Variants in RBFOX3 observed in about 807,000 individuals in gnomAD.
RBFOX3 encodes RNA binding fox-1 homolog 3, also known as RNA binding protein fox-1 homolog 3.
RBFOX3 carries 17 observed loss-of-function variants against 48.7 expected under a neutral mutation model. That is an observed-to-expected ratio of 0.35 (90% CI 0.24 to 0.52). The LOEUF is 0.52. Among genes scored for constraint, RBFOX3 ranks in the 20% least tolerant of loss-of-function variants. RBFOX3 has a pLI of 0.94. For synonymous variants in RBFOX3, 212 were observed against 209.5 expected (o/e 1.01, Z -0.10); for missense variants, 382 against 497.5 (o/e 0.77, Z 2.21).
At chr17:79,307,907 C>T (rs963060096) in intron 2 of RBFOX3, 83 bp from the exon 3 acceptor site, 2 of 153,704 alleles carry the variant, frequency 1.3e-5, no homozygotes, top group Admixed American at 1.3e-4. Flanking sequence ...TGCTCTCCCG[C>T]ACTCTTGATT....
At chr17:79,561,758 C>T (rs1336270000) in intron 1 of RBFOX3, among the ~76,000 whole-genome samples, 2 of 152,184 alleles carry the variant, frequency 1.3e-5, no homozygotes, top group African/African-American at 4.8e-5. Flanking sequence ...TGAGGGCAGC[C>T]CTCACCTCTT....
rs994780294 is a variant in RBFOX3 at position 79,392,606 on chromosome 17, T to C, written c.-174-84782A>G. Among the ~76,000 whole-genome samples the C allele has an allele frequency of 6.6e-6, 1 of 151,874 alleles. No individual in the cohort carries two copies. The highest frequency in any genetic ancestry group is 1.9e-4 in the East Asian group (1 of 5,182). Reference sequence around the variant, plus strand: ...GCCCAACAAAATGGGAGCAGAGGGGTGTCACTTCCAGCCGAAGTTTGCAGA... The same window carrying C: ...GCCCAACAAAATGGGAGCAGAGGGGCGTCACTTCCAGCCGAAGTTTGCAGA... On this transcript the variant is annotated intron_variant, in intron 2 of 14. Transcript: ENST00000693108. The surrounding 1 kb of genome is among the most constrained non-coding windows in gnomAD (Gnocchi z 5.0).
the RBFOX3 span, among the ~76,000 whole-genome samples, chr17:79,624,780 C>T: frequency 6.6e-6 from 1 of 152,088 alleles, no homozygotes; most frequent in Non-Finnish European, 1.5e-5. Flanking sequence ...TGAGGTTCTC[C>T]CACCTCTGAA....
intron 2 of RBFOX3, among the ~76,000 whole-genome samples, chr17:79,395,624 C>G (rs1376277704): frequency 1.3e-5 from 2 of 152,216 alleles, no homozygotes; most frequent in Admixed American, 1.3e-4. Context: ...GTGTGCCGGG[C>G]ACTGATCCAG....
chr17:79,591,911 T>C (rs1219493495), intron 1 of RBFOX3, among the ~76,000 whole-genome samples: 2 of 144,888 alleles, frequency 1.4e-5, no homozygotes, highest in African/African-American at 2.6e-5. Flanking sequence ...GGGGTGTGCA[T>C]GTGTGGAGGG....
intron 5 of RBFOX3, among the ~76,000 whole-genome samples, chr17:79,114,502 G>A (rs576925005): frequency 3.9e-5 from 6 of 152,320 alleles, no homozygotes; most frequent in African/African-American, 1.4e-4. Flanking sequence ...GACGCTGGAG[G>A]AAGCCCCTGC....
intron 2 of RBFOX3, among the ~76,000 whole-genome samples, chr17:79,373,962 G>A (rs546826346): frequency 3.3e-5 from 5 of 152,140 alleles, no homozygotes; most frequent in African/African-American, 7.2e-5. Flanking sequence ...GGGTTCAAGC[G>A]ATTCTCCTGA....
intron 2 of RBFOX3, among the ~76,000 whole-genome samples, chr17:79,398,706 A>G (rs2062379435): frequency 6.6e-6 from 1 of 152,180 alleles, no homozygotes; most frequent in Non-Finnish European, 1.5e-5. Flanking sequence ...TTACCCTGGG[A>G]GATGTGAGTG....
chr17:79,455,801 G>C (rs1228240830), intron 2 of RBFOX3, among the ~76,000 whole-genome samples: 1 of 152,050 alleles, frequency 6.6e-6, no homozygotes, highest in Non-Finnish European at 1.5e-5. Context: ...GCCACACACA[G>C]CCCCATGCTC....
intron 1 of RBFOX3, among the ~76,000 whole-genome samples, chr17:79,604,630 A>G (rs2093785618): frequency 6.6e-6 from 1 of 152,214 alleles, no homozygotes; most frequent in Non-Finnish European, 1.5e-5. Context: ...TTTTGATGTA[A>G]TCCAGGAGAG....
At position 79,299,071 on chromosome 17, in the gene RBFOX3, A is replaced by C. The variant is rs907393048; in HGVS notation, c.-74+8653T>G. Among the ~76,000 whole-genome samples, 3 of 151,936 alleles carry C rather than the reference A, an allele frequency of 2.0e-5. No homozygotes were observed. Among genetic ancestry groups the C allele is most frequent in the African/African-American group, 4.8e-5 (2 of 41,350 alleles). On this transcript the variant is annotated intron_variant, in intron 3 of 14. Transcript: ENST00000693108. This position sits in a 1 kb window ranked among gnomAD's most constrained non-coding sequence, Gnocchi z 4.5. ...CATTGCTGAAATCCTCCCTGGCAGC[A>C]GATGCGGCTGGCCTCGGAAATACGG...
intron 4 of RBFOX3, among the ~76,000 whole-genome samples, chr17:79,116,134 T>C (rs931959258): frequency 2.0e-5 from 3 of 152,122 alleles, no homozygotes; most frequent in African/African-American, 7.2e-5. Flanking sequence ...GTAACCAGGG[T>C]CCTCACGGTA....
In RBFOX3 at chr17:79,607,112, G is replaced by A. The variant is rs1415437909; in HGVS notation, c.-320+3714C>T. Among the ~76,000 whole-genome samples, 6 of 152,150 alleles carry A rather than the reference G, an allele frequency of 3.9e-5. No homozygotes were observed. The South Asian group carries it at 1.0e-3, about 26-fold the overall frequency. On this transcript the variant is annotated intron_variant, in intron 1 of 14. Coordinates refer to ENST00000693108, the MANE Select transcript of RBFOX3 (RefSeq NM_001350451.2). Reference sequence around the variant, plus strand: ...CTTATCAAAGGGTGGAGGTACAAACGGGATGTGTTTATAAAGCCGGTGCCT... The same window carrying A: ...CTTATCAAAGGGTGGAGGTACAAACAGGATGTGTTTATAAAGCCGGTGCCT...
At chr17:79,137,916 G>C (rs2143870899) in intron 4 of RBFOX3, among the ~76,000 whole-genome samples, 1 of 152,274 alleles carries the variant, frequency 6.6e-6, no homozygotes, top group South Asian at 2.1e-4. Context: ...TTTGCTGATT[G>C]CGCCTGTCAA....
chr17:79,371,836 C>A (rs57325899), intron 2 of RBFOX3, among the ~76,000 whole-genome samples: 1,665 of 152,286 alleles, frequency 0.011, 27 homozygotes, highest in African/African-American at 0.037. Context: ...TGGTGAGAAG[C>A]GTGTCTCTGC....
At position 79,137,482 on chromosome 17, in the gene RBFOX3, C is replaced by G. The variant is rs539160031; in HGVS notation, c.-33-21734G>C. Among the ~76,000 whole-genome samples, 19 of 152,348 alleles carry G rather than the reference C, an allele frequency of 1.2e-4. 1 individual carries two copies. Among genetic ancestry groups the G allele is most frequent in the African/African-American group, 4.1e-4 (17 of 41,574 alleles). Reference sequence around the variant, plus strand: ...GCCTTACCCGACCCCTCCACACACACGCGCCTGCAGTGATCGTGCACGCAG... The same window carrying G: ...GCCTTACCCGACCCCTCCACACACAGGCGCCTGCAGTGATCGTGCACGCAG... On this transcript the variant is annotated intron_variant, in intron 4 of 14. Coordinates refer to ENST00000693108, the MANE Select transcript of RBFOX3 (RefSeq NM_001350451.2).
At chr17:79,557,505 C>A (rs1032601987) in intron 1 of RBFOX3, among the ~76,000 whole-genome samples, 166 of 152,292 alleles carry the variant, frequency 1.1e-3, no homozygotes, top group Non-Finnish European at 1.7e-3. Flanking sequence ...GAGACCACGT[C>A]TGGGGCCGTG....
intron 4 of RBFOX3, among the ~76,000 whole-genome samples, chr17:79,223,616 G>T (rs558003623): frequency 6.6e-6 from 1 of 152,296 alleles, no homozygotes; most frequent in South Asian, 2.1e-4. Flanking sequence ...CAGGCCAGTG[G>T]CGTGAGACAT....
At chr17:79,507,530 C>A (rs920013121) in intron 1 of RBFOX3, among the ~76,000 whole-genome samples, 3,245 of 152,144 alleles carry the variant, frequency 0.021, 139 homozygotes, top group African/African-American at 0.075. Flanking sequence ...GAAGGGTGGG[C>A]AGTCCTACTC....
Sources: gnomAD v4.1 joint callset for allele counts (sites outside exome capture counted in the v4.1 genomes callset) on GRCh38, gnomAD v4.1.1 for gene constraint, Gnocchi (gnomAD v3.1) non-coding constraint, MANE v1.5 for transcripts, NCBI Gene and HGNC (gene_info 2026-07-23, HGNC 2026-07-21) for gene names.